Variants in EIF2AK3 observed in about 807,000 individuals in gnomAD.
EIF2AK3 encodes eukaryotic translation initiation factor 2-alpha kinase 3.
Under a neutral mutation model 113.5 loss-of-function variants are expected in EIF2AK3, and 50 were observed. That is an observed-to-expected ratio of 0.44 (90% CI 0.35 to 0.56). EIF2AK3 has a LOEUF of 0.56. Among genes scored for constraint, EIF2AK3 ranks in the 20% least tolerant of loss-of-function variants. EIF2AK3 has a pLI of 0.00. For missense variants in EIF2AK3, 1,185 were observed against 1,378.0 expected (o/e 0.86, Z 2.22); for synonymous variants, 448 against 495.4 (o/e 0.90, Z 1.27).
At chr2:88,615,852 G>T (rs1675554708) in intron 1 of EIF2AK3, among the ~76,000 whole-genome samples, 1 of 151,980 alleles carries the variant, frequency 6.6e-6, no homozygotes, top group Admixed American at 6.6e-5. Flanking sequence ...TTCTAATCAA[G>T]TTCTCGCCCC....
intron 8 of EIF2AK3, among the ~76,000 whole-genome samples, chr2:88,586,965 G>A (rs1414388595): frequency 1.3e-5 from 2 of 151,002 alleles, no homozygotes; most frequent in Non-Finnish European, 3.0e-5. Flanking sequence ...CAGACACTTT[G>A]GGAGGCCGAG....
rs1673808247 is a variant in EIF2AK3 at position 88,557,424 on chromosome 2, C to T, written c.*312G>A. 2 of 359,084 alleles carry T rather than the reference C, an allele frequency of 5.6e-6. No individual in the cohort carries two copies. The highest frequency in any genetic ancestry group is 6.3e-5 in the South Asian group (2 of 31,744). 22.2% of individuals were successfully genotyped at this position (359,084 alleles called of 1,614,324 possible). On this transcript the variant is annotated 3_prime_UTR_variant, in exon 17 of 17. Transcript: ENST00000303236. ...AAAAATATATCCATTTTAGTTCTCA[C>T]TATATATATATATTAGGGATTGCTG...
In EIF2AK3 at chr2:88,627,231, AGCAGCG is replaced by A; in HGVS notation, c.38_43del (p.Ala13_Leu15delinsVal). Reference sequence around the variant, plus strand: ...GAGCCCCAGCAGCAGCAGCAGCAGCAGCAGCGCCCGTACCAGCAGCCCCGGGCTGAT... The same window carrying A: ...GAGCCCCAGCAGCAGCAGCAGCAGCACCCGTACCAGCAGCCCCGGGCTGAT... On this transcript the variant is annotated inframe_deletion, in exon 1 of 17. Coordinates refer to ENST00000303236, the MANE Select transcript of EIF2AK3 (RefSeq NM_004836.7). 6.8e-7 allele frequency: 1 copy of A among 1,478,636 alleles called. No individual in the cohort carries two copies. Among genetic ancestry groups the A allele is most frequent in the Non-Finnish European group, 8.9e-7 (1 of 1,121,016 alleles). The allele number at this position is 1,478,636 out of a possible 1,614,324, so 91.6% of individuals were successfully genotyped here. A position where few individuals can be genotyped will look rare whatever the true frequency, so the allele number is the denominator to read the frequency against.
intron 2 of EIF2AK3, among the ~76,000 whole-genome samples, chr2:88,612,119 T>G (rs936274232): frequency 1.3e-5 from 2 of 152,164 alleles, no homozygotes; most frequent in African/African-American, 4.8e-5. Flanking sequence ...AACCTTCAAA[T>G]ACAACTAGCT....
chr2:88,608,700 C>CTTT lies in EIF2AK3; in HGVS notation c.438+5021_438+5023dup, dbSNP rs1176748814. ...CATTTCAAATGGCAGTTTTTGATTTCTTTTTTTTTTTTTTTTTTTTTTTTT... is the reference window on the plus strand; with the variant it reads ...CATTTCAAATGGCAGTTTTTGATTTCTTTTTTTTTTTTTTTTTTTTTTTTTTTT... On this transcript the variant is annotated intron_variant, in intron 2 of 16. Coordinates refer to ENST00000303236, the MANE Select transcript of EIF2AK3 (RefSeq NM_004836.7). Among the ~76,000 whole-genome samples, 13 of 62,004 alleles carry CTTT rather than the reference C, an allele frequency of 2.1e-4. 1 individual carries two copies. Among genetic ancestry groups the CTTT allele is most frequent in the African/African-American group, 4.3e-4 (6 of 13,930 alleles). The allele number at this position is 62,004 out of a possible 152,430, so 40.7% of individuals were successfully genotyped here. A position where few individuals can be genotyped will look rare whatever the true frequency, so the allele number is the denominator to read the frequency against.
rs768446388 is a variant in EIF2AK3 at position 88,571,048 on chromosome 2, A to C, written c.2818-7T>G. 3.7e-6 allele frequency: 6 copies of C among 1,614,092 alleles called. No homozygotes were observed. On this transcript the variant is annotated splice_region_variant and splice_polypyrimidine_tract_variant and intron_variant, in intron 13 of 16. Coordinates refer to ENST00000303236, the MANE Select transcript of EIF2AK3 (RefSeq NM_004836.7). ...TAAAGAATATGTTGGATGGCTGGAA[A>C]GAATACAACAGACAAAAGTACAGTG...
chr2:88,583,383 G>A (rs934212885), intron 10 of EIF2AK3, 47 bp downstream of exon 10: 1 of 1,440,552 alleles, frequency 6.9e-7, no homozygotes, highest in Non-Finnish European at 9.7e-7. Context: ...AAGATCTTAG[G>A]TCATTTCTTC....
Position 88,587,945 on chromosome 2 carries a change from AAAAAT to A in EIF2AK3, c.1429+32_1429+36del, listed in dbSNP as rs753597238. ...TTTGAATTCTATTAATTTCAAATTAAAAAATAAAATAAATAAAACTCAGTATTTTC... is the reference window on the plus strand; with the variant it reads ...TTTGAATTCTATTAATTTCAAATTAAAAAATAAATAAAACTCAGTATTTTC... On this transcript the variant is annotated intron_variant, in intron 8 of 16. Transcript: ENST00000303236. 3.6e-6 allele frequency: 5 copies of A among 1,392,998 alleles called. No homozygotes were observed. The South Asian group carries it at 5.3e-5, about 15-fold the overall frequency. The allele number at this position is 1,392,998 out of a possible 1,614,324, so 86.3% of individuals were successfully genotyped here.
Position 88,570,988 on chromosome 2 carries a change from C to A in EIF2AK3, c.2871G>T (p.Gly957=), listed in dbSNP as rs1240318242. ...MDDVVKVGDF[G]LVTAMDQDEE... is the part of the protein sequence containing the mutation. The stretch of plus-strand genomic sequence containing the variant: ...CATCCTGGTCCATTGCAGTCACTAA[C>A]CCAAAGTCTCCAACCTTGACCACAT... Residue 957 remains glycine (G), a synonymous_variant, in exon 14 of 17, where the codon GGG becomes GGT. Transcript: ENST00000303236. The A allele has an allele frequency of 6.2e-7, 1 of 1,613,984 alleles. No homozygotes were observed. Among genetic ancestry groups the A allele is most frequent in the African/African-American group, 1.3e-5 (1 of 74,890 alleles).
chr2:88,586,372 C>T (rs756478899), intron 8 of EIF2AK3, among the ~76,000 whole-genome samples: 6 of 151,874 alleles, frequency 4.0e-5, no homozygotes, highest in Non-Finnish European at 7.4e-5. Context: ...AGAATTAATA[C>T]TCAATCTTCC....
intron 2 of EIF2AK3, among the ~76,000 whole-genome samples, chr2:88,611,704 C>T (rs965000045): frequency 2.6e-5 from 4 of 152,094 alleles, no homozygotes; most frequent in South Asian, 4.1e-4. Flanking sequence ...GATCTTGGCT[C>T]GCTGCAACCT....
chr2:88,600,990 T>A (rs1442213526), intron 2 of EIF2AK3, among the ~76,000 whole-genome samples: 1 of 152,224 alleles, frequency 6.6e-6, no homozygotes, highest in Non-Finnish European at 1.5e-5. Context: ...TCCCCATGTA[T>A]CTATCATCCA....
intron 2 of EIF2AK3, among the ~76,000 whole-genome samples, chr2:88,603,803 C>T (rs1675206180): frequency 6.6e-6 from 1 of 152,146 alleles, no homozygotes; most frequent in African/African-American, 2.4e-5. Flanking sequence ...AACTTCAGCC[C>T]AGACTTTTCC....
At position 88,626,968 on chromosome 2, in the gene EIF2AK3, T is replaced by G; in HGVS notation, c.307A>C (p.Arg103=). The change falls in exon 1 of 17, where the codon AGG becomes CGG. Residue 103 remains arginine (R), a splice_region_variant and synonymous_variant. Transcript: ENST00000303236. Reference sequence around the variant, plus strand: ...TCCCCCGGGTCGGCAGCCCCTCACCTGCCGCGCGGTCGCAACTCTGTCTCA... The same window carrying G: ...TCCCCCGGGTCGGCAGCCCCTCACCGGCCGCGCGGTCGCAACTCTGTCTCA... ...DDETELRPRG[R]SLVIISTLDG... 6.2e-7 allele frequency: 1 copy of G among 1,608,034 alleles called. No individual in the cohort carries two copies. Among genetic ancestry groups the G allele is most frequent in the Non-Finnish European group, 8.5e-7 (1 of 1,178,404 alleles).
intron 2 of EIF2AK3, among the ~76,000 whole-genome samples, chr2:88,604,927 G>A (rs549676050): frequency 6.6e-6 from 1 of 152,206 alleles, no homozygotes; most frequent in Admixed American, 6.5e-5. Context: ...AGGGAAAGAT[G>A]TAAGTACAAA....
chr2:88,563,930 G>A (rs187413956), intron 14 of EIF2AK3, among the ~76,000 whole-genome samples: 109 of 151,996 alleles, frequency 7.2e-4, no homozygotes, highest in African/African-American at 2.5e-3. Flanking sequence ...TTACTTTTTT[G>A]TTATATGTCC....
At chr2:88,565,854 T>G (rs773850672) in intron 14 of EIF2AK3, among the ~76,000 whole-genome samples, 1 of 152,228 alleles carries the variant, frequency 6.6e-6, no homozygotes, top group African/African-American at 2.4e-5. Context: ...TCACCACCCC[T>G]TGGCCAGATC....
intron 1 of EIF2AK3, among the ~76,000 whole-genome samples, chr2:88,621,351 G>T (rs1675716792): frequency 6.6e-6 from 1 of 152,158 alleles, no homozygotes; most frequent in Non-Finnish European, 1.5e-5. Context: ...TCATTTTAAA[G>T]GAACTTTTAT....
In EIF2AK3 at chr2:88,574,646, G is replaced by C. The variant is rs888754276; in HGVS notation, c.2817+20C>G. 3.1e-6 allele frequency: 5 copies of C among 1,613,388 alleles called. No homozygotes were observed. In the African/African-American group the frequency reaches 6.7e-5, roughly 22 times the overall value. On this transcript the variant is annotated intron_variant, in intron 13 of 16. Coordinates refer to ENST00000303236, the MANE Select transcript of EIF2AK3 (RefSeq NM_004836.7). ...AACGTCAGATTGAAACCCCAAGGGT[G>C]ATGCTCCACAAATACAGACCTTGAG...
Sources: allele counts gnomAD v4.1 joint callset (sites outside exome capture counted in the v4.1 genomes callset), GRCh38; gene constraint gnomAD v4.1.1; transcripts MANE v1.5; gene names NCBI Gene and HGNC (gene_info 2026-07-23, HGNC 2026-07-21).